TMEM245: variants seen among roughly 807,000 people sequenced by gnomAD.
TMEM245 encodes protein CG-2.
A neutral mutation model predicts 101.2 loss-of-function variants in TMEM245; 69 were observed. That is an observed-to-expected ratio of 0.68 (90% CI 0.56 to 0.83). TMEM245 has a LOEUF of 0.83. TMEM245 is among the 40% of genes least tolerant of loss of function. The pLI is 0.00. For synonymous variants in TMEM245, 537 were observed against 449.8 expected (o/e 1.19, Z -2.45); for missense variants, 1,075 against 1,092.8 (o/e 0.98, Z 0.23).
At chr9:109,095,919 G>A (rs1037863656) in intron 3 of TMEM245, among the ~76,000 whole-genome samples, 3 of 152,128 alleles carry the variant, frequency 2.0e-5, no homozygotes, top group African/African-American at 4.8e-5. Context: ...GACCTATAAC[G>A]TATGGAGAAA....
At chr9:109,111,361 A>G (rs1830561845) in intron 1 of TMEM245, among the ~76,000 whole-genome samples, 1 of 152,198 alleles carries the variant, frequency 6.6e-6, no homozygotes, top group African/African-American at 2.4e-5. Flanking sequence ...GCTGAACTGG[A>G]GGTCACAATT....
chr9:109,060,478 G>C, intron 10 of TMEM245, 26 bp from the exon 11 acceptor site: 1 of 1,506,380 alleles, frequency 6.6e-7, no homozygotes, highest in East Asian at 2.3e-5. Flanking sequence ...GATACGACGT[G>C]GTACAATATT....
Position 109,018,025 on chromosome 9 carries a change from A to G in TMEM245, c.*2435T>C, listed in dbSNP as rs1356293669. The stretch of plus-strand genomic sequence containing the variant: ...GCTCCTGGTATTTCAGGGTGATATT[A>G]CATCACTGCTGCTAATTTTGGTAGC... On this transcript the variant is annotated 3_prime_UTR_variant, in exon 18 of 18. Transcript: ENST00000374586. 1.3e-5 allele frequency: 2 copies of G among 152,222 alleles called. No homozygotes were observed. Among genetic ancestry groups the G allele is most frequent in the South Asian group, 2.1e-4 (1 of 4,830 alleles). 9.4% of individuals were successfully genotyped at this position (152,222 alleles called of 1,614,324 possible).
chr9:109,037,745 T>G lies in TMEM245; in HGVS notation c.2224+272A>C, dbSNP rs535495863. ...CCAATTAAACCTCTTCTTTATAAATTACCTAATCTCAGGTATTTCTTTATA... is the reference window on the plus strand; with the variant it reads ...CCAATTAAACCTCTTCTTTATAAATGACCTAATCTCAGGTATTTCTTTATA... On this transcript the variant is annotated intron_variant, in intron 15 of 17. Coordinates refer to ENST00000374586, the MANE Select transcript of TMEM245 (RefSeq NM_032012.4). Among the ~76,000 whole-genome samples, 150 of 152,308 alleles carry G rather than the reference T, an allele frequency of 9.8e-4. 2 individuals carry two copies. The South Asian group carries it at 0.031, about 31-fold the overall frequency.
At chr9:109,066,366 A>G (rs934638344) in intron 9 of TMEM245, among the ~76,000 whole-genome samples, 1 of 149,378 alleles carries the variant, frequency 6.7e-6, no homozygotes, top group Non-Finnish European at 1.5e-5. Flanking sequence ...GAGGCACAGG[A>G]ATCACTTGAG....
chr9:109,113,515 T>C (rs2132668728), intron 1 of TMEM245, among the ~76,000 whole-genome samples: 1 of 152,338 alleles, frequency 6.6e-6, no homozygotes, highest in Middle Eastern at 3.4e-3. Flanking sequence ...ACCAATGTGC[T>C]AGACACTACA....
chr9:109,071,722 C>G (rs1362318828), intron 9 of TMEM245, among the ~76,000 whole-genome samples: 1 of 151,976 alleles, frequency 6.6e-6, no homozygotes, highest in Non-Finnish European at 1.5e-5. Context: ...AACTTATAAG[C>G]CTAAAACTGG....
At chr9:109,115,823 C>G (rs147079406) in intron 1 of TMEM245, among the ~76,000 whole-genome samples, 76 of 152,158 alleles carry the variant, frequency 5.0e-4, no homozygotes, top group African/African-American at 1.7e-3. Flanking sequence ...AGCAACCGCA[C>G]CTGGCCTACA....
At chr9:109,043,359 C>G (rs985830556) in intron 14 of TMEM245, among the ~76,000 whole-genome samples, 1 of 152,188 alleles carries the variant, frequency 6.6e-6, no homozygotes, top group African/African-American at 2.4e-5. Flanking sequence ...TGGTCATTAC[C>G]CTTCCCTTTG....
chr9:109,026,265 T>A (rs766130839), intron 17 of TMEM245, among the ~76,000 whole-genome samples: 1 of 151,660 alleles, frequency 6.6e-6, no homozygotes, highest in Non-Finnish European at 1.5e-5. Flanking sequence ...AGAAAAATAA[T>A]CAAGTGTATA....
Position 109,036,214 on chromosome 9 carries a change from G to A in TMEM245, c.2391C>T (p.Asp797=). 6.2e-7 allele frequency: 1 copy of A among 1,606,028 alleles called. No individual in the cohort carries two copies. The highest frequency in any genetic ancestry group is 8.5e-7 in the Non-Finnish European group (1 of 1,177,802). ...TYFVDTAIYS[D]ISGGGHPYLT... ...TTCTGTGGCTTACTTACCCTGATAT[G>A]TCAGAGTAGATTGCAGTATCTACAA... is the stretch of plus-strand genomic sequence containing the variant. Residue 797 remains aspartate (D), a synonymous_variant, in exon 16 of 18, where the codon GAC becomes GAT. Coordinates refer to ENST00000374586, the MANE Select transcript of TMEM245 (RefSeq NM_032012.4).
chr9:109,042,453 A>G (rs1828340381), intron 14 of TMEM245: 1 of 152,326 alleles, frequency 6.6e-6, no homozygotes, highest in South Asian at 2.1e-4. Flanking sequence ...GGTTGTGATC[A>G]TTTAGTTGTA....
intron 10 of TMEM245, among the ~76,000 whole-genome samples, chr9:109,061,746 T>A (rs2132440141): frequency 6.6e-6 from 1 of 152,158 alleles, no homozygotes; most frequent in East Asian, 1.9e-4. Flanking sequence ...TTTTTGTATT[T>A]TTAGTAGAGA....
intron 5 of TMEM245, 121 bp downstream of exon 5, chr9:109,090,801 C>A: frequency 7.4e-6 from 6 of 810,226 alleles, no homozygotes; most frequent in South Asian, 3.9e-5. Context: ...TAAATGCAAA[C>A]ATAAGATTGT....
At chr9:109,091,849 T>G (rs188703212) in intron 4 of TMEM245, among the ~76,000 whole-genome samples, 4 of 152,300 alleles carry the variant, frequency 2.6e-5, no homozygotes, top group Admixed American at 2.6e-4. Flanking sequence ...TCAGAAATCA[T>G]AAAACTCTTA....
At chr9:109,115,838 A>G (rs1362078393) in intron 1 of TMEM245, among the ~76,000 whole-genome samples, 1 of 152,024 alleles carries the variant, frequency 6.6e-6, no homozygotes, top group Non-Finnish European at 1.5e-5. Flanking sequence ...CCTACAATCC[A>G]CTAAAAATAA....
At chr9:109,068,209 T>C (rs943995813) in intron 9 of TMEM245, among the ~76,000 whole-genome samples, 3 of 151,112 alleles carry the variant, frequency 2.0e-5, no homozygotes. Context: ...CTACTAAAAA[T>C]ACAAAAAAAA....
chr9:109,094,703 C>T (rs1201988488), intron 3 of TMEM245, among the ~76,000 whole-genome samples: 2 of 152,162 alleles, frequency 1.3e-5, no homozygotes, highest in Non-Finnish European at 2.9e-5. Context: ...TAAATGCTAA[C>T]CAATACCTCC....
rs190299919 is a variant in TMEM245, at chr9:109,018,240, G to A, written c.*2220C>T. 2.8e-3 allele frequency: 419 copies of A among 152,280 alleles called. 3 individuals are homozygous for A. Among genetic ancestry groups the A allele is most frequent in the African/African-American group, 9.5e-3 (395 of 41,558 alleles). The allele number at this position is 152,280 out of a possible 1,614,324, so 9.4% of individuals were successfully genotyped here. On this transcript the variant is annotated 3_prime_UTR_variant, in exon 18 of 18. Coordinates refer to ENST00000374586, the MANE Select transcript of TMEM245 (RefSeq NM_032012.4). ...GCTAATTACATCTATAAATCAACCAGTATATAATTAACAAAAACAAATGAT... is the reference window on the plus strand; with the variant it reads ...GCTAATTACATCTATAAATCAACCAATATATAATTAACAAAAACAAATGAT...
Sources: gnomAD v4.1 joint callset for allele counts (sites outside exome capture counted in the v4.1 genomes callset) on GRCh38, gnomAD v4.1.1 for gene constraint, MANE v1.5 for transcripts, NCBI Gene and HGNC (gene_info 2026-07-23, HGNC 2026-07-21) for gene names.